Variants in DMD observed in about 807,000 individuals in gnomAD.
DMD encodes dystrophin, also known as mutant dystrophin.
In DMD, 63 loss-of-function variants were observed where a neutral mutation model predicts 330.1. The ratio of observed to expected loss-of-function variants is 0.19; its 90% CI spans 0.16 to 0.24. The LOEUF is 0.24. DMD is among the 10% of genes least tolerant of loss of function. The pLI, the probability that DMD is intolerant of heterozygous loss-of-function variation, is 1.00. For missense variants in DMD, 3,344 were observed against 2,684.1 expected (o/e 1.25, Z -5.43); for synonymous variants, 1,223 against 959.8 (o/e 1.27, Z -5.07).
At chrX:32,713,322 A>G (rs922621781) in intron 7 of DMD, among the ~76,000 whole-genome samples, 6 of 111,647 alleles carry the variant, frequency 5.4e-5, no homozygotes, top group African/African-American at 2.0e-4. Context: ...TTCACACTGT[A>G]TCTCCTGTGA....
intron 17 of DMD, among the ~76,000 whole-genome samples, chrX:32,538,400 T>C (rs1244432273): frequency 9.1e-6 from 1 of 110,244 alleles, no homozygotes; most frequent in African/African-American, 3.3e-5. Flanking sequence ...CCCCCGCCCC[T>C]GCCCACAAGA....
intron 50 of DMD, among the ~76,000 whole-genome samples, chrX:31,792,007 G>A (rs2091593626): frequency 8.9e-6 from 1 of 111,752 alleles, no homozygotes; most frequent in Admixed American, 9.5e-5. Context: ...ATTCTCAAGA[G>A]GTATGCCTAA....
intron 55 of DMD, among the ~76,000 whole-genome samples, chrX:31,567,897 G>C (rs775024305): frequency 2.7e-5 from 3 of 111,282 alleles, no homozygotes; most frequent in Non-Finnish European, 5.7e-5. Flanking sequence ...TGAGCTTAAG[G>C]AAGCTTAATC....
intron 44 of DMD, among the ~76,000 whole-genome samples, chrX:32,176,655 G>A (rs766358307): frequency 9.0e-6 from 1 of 111,384 alleles, no homozygotes; most frequent in African/African-American, 3.3e-5. Flanking sequence ...GGTTAGGGAT[G>A]AAGCACCAGG....
intron 59 of DMD, among the ~76,000 whole-genome samples, chrX:31,473,738 A>T (rs991657111): frequency 1.8e-5 from 2 of 109,568 alleles, no homozygotes; most frequent in Non-Finnish European, 3.8e-5. Flanking sequence ...AGAAAACAAC[A>T]ATCCACAAAC....
chrX:32,856,842 G>A (rs775061902), intron 2 of DMD, among the ~76,000 whole-genome samples: 7 of 111,740 alleles, frequency 6.3e-5, no homozygotes, highest in East Asian at 5.7e-4. Flanking sequence ...TTGGGAGGCC[G>A]AGGCAGGCGG....
chrX:31,709,045 A>G (rs1303521318), intron 52 of DMD, among the ~76,000 whole-genome samples: 1 of 111,988 alleles, frequency 8.9e-6, no homozygotes, highest in African/African-American at 3.2e-5. Flanking sequence ...AACAAGGCAG[A>G]CAGATCACTT....
At chrX:32,794,340 A>T (rs1240671088) in intron 7 of DMD, among the ~76,000 whole-genome samples, 1 of 112,270 alleles carries the variant, frequency 8.9e-6, no homozygotes, top group Non-Finnish European at 1.9e-5. Context: ...CTGTAATCCC[A>T]GCACTTTGGG....
chrX:31,681,231 A>G (rs781432173), intron 52 of DMD, among the ~76,000 whole-genome samples: 2 of 112,363 alleles, frequency 1.8e-5, no homozygotes, highest in South Asian at 7.5e-4. Context: ...GGAATATCTT[A>G]GCTGGACATA....
At chrX:31,995,882 T>G (rs977377208) in intron 44 of DMD, among the ~76,000 whole-genome samples, 3 of 112,248 alleles carry the variant, frequency 2.7e-5, no homozygotes, top group African/African-American at 9.7e-5. Context: ...ATTTGTTAAA[T>G]GCATCTTTGC....
intron 13 of DMD, among the ~76,000 whole-genome samples, chrX:32,578,064 G>T (rs2053257514): frequency 8.9e-6 from 1 of 112,279 alleles, no homozygotes; most frequent in Admixed American, 9.5e-5. Context: ...ATCACTCAAA[G>T]ATGCTGGTTC....
At chrX:32,190,685 A>C (rs772082202) in intron 44 of DMD, among the ~76,000 whole-genome samples, 2 of 105,630 alleles carry the variant, frequency 1.9e-5, no homozygotes, top group South Asian at 8.5e-4. Context: ...CTATTTACTG[A>C]AGTATTTGTG....
chrX:32,332,722 C>A (rs1454817078), intron 41 of DMD, among the ~76,000 whole-genome samples: 1 of 110,464 alleles, frequency 9.1e-6, no homozygotes, highest in Admixed American at 9.8e-5. Context: ...TTGGATTTCA[C>A]TTAAAAATAG....
intron 2 of DMD, among the ~76,000 whole-genome samples, chrX:32,858,873 GC>G (rs1456711315): frequency 9.0e-6 from 1 of 110,960 alleles, no homozygotes; most frequent in Non-Finnish European, 1.9e-5. Flanking sequence ...AGATACTATA[GC>G]AAAAGTAACC....
At chrX:32,054,379 T>C (rs2096148956) in intron 44 of DMD, among the ~76,000 whole-genome samples, 1 of 83,841 alleles carries the variant, frequency 1.2e-5, no homozygotes, top group African/African-American at 4.5e-5. Flanking sequence ...GTGTGTGATG[T>C]TCCCCTTCCT....
intron 34 of DMD, among the ~76,000 whole-genome samples, chrX:32,376,113 C>T (rs1173851536): frequency 1.8e-5 from 2 of 110,549 alleles, no homozygotes; most frequent in African/African-American, 3.3e-5. Context: ...AACTCCAACT[C>T]TACCGAAAAC....
At position 32,514,558 on chromosome X, in the gene DMD, G is replaced by A. The variant is rs753776388; in HGVS notation, c.2292+3450C>T. Among the ~76,000 whole-genome samples the A allele has an allele frequency of 4.2e-3, 471 of 111,613 alleles. 2 individuals are homozygous for A. Among genetic ancestry groups the A allele is most frequent in the African/African-American group, 0.014 (443 of 30,805 alleles). ...AGATCGAGACCATCCTGGCTAACACGGTGAAACCCCGTCTCTACTAAAAAT... is the reference window on the plus strand; with the variant it reads ...AGATCGAGACCATCCTGGCTAACACAGTGAAACCCCGTCTCTACTAAAAAT... On this transcript the variant is annotated intron_variant, in intron 18 of 78. Coordinates refer to ENST00000357033, the MANE Select transcript of DMD (RefSeq NM_004006.3).
At chrX:31,757,761 A>G (rs780334298) in intron 51 of DMD, among the ~76,000 whole-genome samples, 16 of 110,065 alleles carry the variant, frequency 1.5e-4, no homozygotes, top group Non-Finnish European at 2.7e-4. Flanking sequence ...CAACATACAC[A>G]TTTTGGAGGG....
intron 60 of DMD, among the ~76,000 whole-genome samples, chrX:31,407,130 T>C (rs1569538914): frequency 1.8e-5 from 2 of 112,395 alleles, no homozygotes; most frequent in Non-Finnish European, 3.8e-5. Context: ...AACTACATCT[T>C]ACTTGTGATA....
Sources: allele counts gnomAD v4.1 joint callset (sites outside exome capture counted in the v4.1 genomes callset), GRCh38; gene constraint gnomAD v4.1.1; transcripts MANE v1.5; gene names NCBI Gene and HGNC (gene_info 2026-07-23, HGNC 2026-07-21).